The following GATAD2B variants were observed in gnomAD, a reference collection of about 807,000 sequenced individuals.
GATAD2B encodes transcriptional repressor p66-beta.
In GATAD2B, 8 loss-of-function variants were observed where a neutral mutation model predicts 64.3. The observed-to-expected ratio is 0.12, with a 90% CI of 0.07 to 0.22. The LOEUF (loss-of-function observed/expected upper bound fraction) is 0.22. Ranked by LOEUF, GATAD2B falls within the 10% of genes least tolerant of loss-of-function variation. The pLI is 1.00. For missense variants in GATAD2B, 453 were observed against 752.0 expected (o/e 0.60, Z 4.65); for synonymous variants, 281 against 271.3 (o/e 1.04, Z -0.35).
intron 1 of GATAD2B, among the ~76,000 whole-genome samples, chr1:153,860,295 G>A (rs1219702769): frequency 6.6e-6 from 1 of 152,058 alleles, no homozygotes; most frequent in Non-Finnish European, 1.5e-5. Context: ...AAAACTGTGA[G>A]CACCCAGAAG....
intron 8 of GATAD2B, among the ~76,000 whole-genome samples, chr1:153,812,553 T>A (rs1467225087): frequency 1.3e-5 from 2 of 152,190 alleles, no homozygotes; most frequent in African/African-American, 4.8e-5. Flanking sequence ...ACTGATATAA[T>A]TAAGGCTGAT....
intron 9 of GATAD2B, 70 bp downstream of exon 9, chr1:153,811,952 A>T: frequency 1.5e-6 from 2 of 1,295,474 alleles, no homozygotes; most frequent in Non-Finnish European, 2.2e-6. Context: ...CCCACAATAG[A>T]AAGGACAAAT....
At chr1:153,879,905 A>G (rs1160364361) in intron 1 of GATAD2B, among the ~76,000 whole-genome samples, 1 of 152,250 alleles carries the variant, frequency 6.6e-6, no homozygotes, top group East Asian at 1.9e-4. Context: ...ATGCATGGAC[A>G]CTTAGAACAA....
intron 1 of GATAD2B, among the ~76,000 whole-genome samples, chr1:153,915,006 T>C (rs1288778289): frequency 6.6e-6 from 1 of 150,744 alleles, no homozygotes; most frequent in Non-Finnish European, 1.5e-5. Context: ...GATGGATAGC[T>C]GAGGCCAGGA....
At chr1:153,829,763 T>G (rs1242047531) in intron 1 of GATAD2B, among the ~76,000 whole-genome samples, 1 of 149,332 alleles carries the variant, frequency 6.7e-6, no homozygotes, top group Non-Finnish European at 1.5e-5. Flanking sequence ...ATGAATGAAT[T>G]AAATTAAAAA....
At position 153,852,920 on chromosome 1, in the gene GATAD2B, T is replaced by A. The variant is rs546202278; in HGVS notation, c.-1-24572A>T. 1,144 of 810,822 alleles carry A rather than the reference T, an allele frequency of 1.4e-3. 3 individuals carry two copies. Among genetic ancestry groups the A allele is most frequent in the Non-Finnish European group, 2.3e-3 (1,057 of 461,256 alleles). The allele number at this position is 810,822 out of a possible 1,614,324, so 50.2% of individuals were successfully genotyped here. On this transcript the variant is annotated intron_variant, in intron 1 of 10. Transcript: ENST00000368655. ...TCCAAGCCACTGCTCATGAGCTGCA[T>A]TATCTGACTTCCTAAGCTTGTGTTA...
At chr1:153,861,775 C>T (rs1676290326) in intron 1 of GATAD2B, among the ~76,000 whole-genome samples, 1 of 73,888 alleles carries the variant, frequency 1.4e-5, no homozygotes, top group Admixed American at 1.9e-4. Flanking sequence ...GAGCGAGACT[C>T]CATTTCAAAA....
Position 153,866,778 on chromosome 1 carries a change from CTTGTT to C in GATAD2B, c.-1-38435_-1-38431del, listed in dbSNP as rs566297740. ...AGAAGTGAAATTATTTCCAATGTAC[CTTGTT>C]TTGTTTTGTTTTGTTTTGAGACGGA... On this transcript the variant is annotated intron_variant, in intron 1 of 10. Coordinates refer to ENST00000368655, the MANE Select transcript of GATAD2B (RefSeq NM_020699.4). Among the ~76,000 whole-genome samples, 631 of 151,940 alleles carry C rather than the reference CTTGTT, an allele frequency of 4.2e-3. 10 individuals carry two copies. Among genetic ancestry groups the C allele is most frequent in the African/African-American group, 0.013 (523 of 41,444 alleles).
Position 153,824,651 on chromosome 1 carries a change from G to T in GATAD2B, c.335+3362C>A, listed in dbSNP as rs531143463. On this transcript the variant is annotated intron_variant, in intron 2 of 10. Coordinates refer to ENST00000368655, the MANE Select transcript of GATAD2B (RefSeq NM_020699.4). ...AAAAAAAAAAAAGTTGGGTTTTCAG[G>T]AAGTCTGACTTTTTAACATATACTG... Among the ~76,000 whole-genome samples the T allele has an allele frequency of 7.6e-5, 11 of 145,654 alleles. No individual in the cohort carries two copies. In the South Asian group the frequency reaches 2.2e-3, roughly 29 times the overall value.
chr1:153,870,921 GT>G (rs1033135771), intron 1 of GATAD2B, among the ~76,000 whole-genome samples: 7 of 151,962 alleles, frequency 4.6e-5, no homozygotes, highest in African/African-American at 1.7e-4. Context: ...GGTTTTTTTT[GT>G]TTTTCCCCAA....
chr1:153,836,549 C>A (rs549426254), intron 1 of GATAD2B, among the ~76,000 whole-genome samples: 84 of 48,682 alleles, frequency 1.7e-3, no homozygotes, highest in Non-Finnish European at 4.3e-3. Flanking sequence ...CTGCACCCAG[C>A]CTAAAAAAGT....
At chr1:153,812,224 C>T (rs1310141039) in intron 8 of GATAD2B, 92 bp from the exon 9 acceptor site, 7 of 702,718 alleles carry the variant, frequency 1.0e-5, no homozygotes, top group Non-Finnish European at 1.7e-5. Flanking sequence ...GAGACACAAT[C>T]TGACTTTGTT....
At chr1:153,915,686 G>A (rs555964587) in intron 1 of GATAD2B, among the ~76,000 whole-genome samples, 1 of 145,378 alleles carries the variant, frequency 6.9e-6, no homozygotes, top group Non-Finnish European at 1.5e-5. Flanking sequence ...AGTGAGCCGA[G>A]ATCGTGCCAC....
intron 1 of GATAD2B, chr1:153,852,213 C>T: frequency 1.9e-6 from 2 of 1,080,836 alleles, no homozygotes; most frequent in South Asian, 1.3e-5. Flanking sequence ...GACCTACCAG[C>T]CAGTTGAGGG....
At position 153,848,691 on chromosome 1, in the gene GATAD2B, C is replaced by T. The variant is rs193236977; in HGVS notation, c.-1-20343G>A. ...TTAGTCCATTATGCATGGTGGCTAA[C>T]GCCTGTACTTCAAGCACTTTGGGAG... On this transcript the variant is annotated intron_variant, in intron 1 of 10. Coordinates refer to ENST00000368655, the MANE Select transcript of GATAD2B (RefSeq NM_020699.4). 1.0e-3 allele frequency among the ~76,000 whole-genome samples: 154 copies of T among 152,256 alleles called. 1 individual carries two copies. The highest frequency in any genetic ancestry group is 3.4e-3 in the Middle Eastern group (1 of 294).
At chr1:153,813,129 G>T in intron 8 of GATAD2B, 121 bp downstream of exon 8, 1 of 721,418 alleles carries the variant, frequency 1.4e-6, no homozygotes, top group South Asian at 1.5e-5. Flanking sequence ...ATGATAAGGA[G>T]ACAAAAAGGG....
At chr1:153,920,034 C>T (rs1460271811) in intron 1 of GATAD2B, among the ~76,000 whole-genome samples, 1 of 152,210 alleles carries the variant, frequency 6.6e-6, no homozygotes, top group African/African-American at 2.4e-5. Flanking sequence ...AGAGGGGCTG[C>T]TTGTCAGCAT....
intron 1 of GATAD2B, among the ~76,000 whole-genome samples, chr1:153,889,413 C>CAAAAAAAAAAAAAAAAAAAAAAAAA (rs71093299): frequency 1.5e-5 from 1 of 67,908 alleles, no homozygotes; most frequent in East Asian, 3.9e-4. Context: ...ACCCCGTCTC[C>CAAAAAAAAAAAAAAAAAAAAAAAAA]AAAAAAAAAA....
At chr1:153,892,582 C>T (rs1234099119) in intron 1 of GATAD2B, among the ~76,000 whole-genome samples, 3 of 152,082 alleles carry the variant, frequency 2.0e-5, no homozygotes, top group Middle Eastern at 3.4e-3. Flanking sequence ...ATAAGATATG[C>T]CAATGTGAAA....
Sources: allele counts gnomAD v4.1 joint callset (sites outside exome capture counted in the v4.1 genomes callset), GRCh38; gene constraint gnomAD v4.1.1; transcripts MANE v1.5; gene names NCBI Gene and HGNC (gene_info 2026-07-23, HGNC 2026-07-21).